Variants in ANGPT2 observed in about 807,000 individuals in gnomAD.
ANGPT2 encodes the protein angiopoietin-2.
Under a neutral mutation model 62.9 loss-of-function variants are expected in ANGPT2, and 28 were observed. The observed-to-expected ratio is 0.44, with a 90% CI of 0.33 to 0.61. The LOEUF is 0.61. ANGPT2 is among the 20% of genes least tolerant of loss of function. The pLI, the probability that ANGPT2 is intolerant of heterozygous loss-of-function variation, is 0.03. For synonymous variants in ANGPT2, 284 were observed against 207.8 expected, an observed-to-expected ratio of 1.37 and a Z score of -3.15; for missense variants, 727 against 594.9, an observed-to-expected ratio of 1.22 and a Z score of -2.31.
chr8:6,552,530 G>C (rs1425305223), intron 1 of ANGPT2, among the ~76,000 whole-genome samples: 1 of 152,168 alleles, frequency 6.6e-6, no homozygotes, highest in African/African-American at 2.4e-5. Context: ...AGGGTGACTG[G>C]AATTATAACC....
At chr8:6,524,754 C>T (rs1012049407) in intron 3 of ANGPT2, among the ~76,000 whole-genome samples, 6 of 152,204 alleles carry the variant, frequency 3.9e-5, no homozygotes, top group African/African-American at 1.4e-4. Context: ...TGAGGAAAAA[C>T]TACCCTTGTG....
At position 6,516,938 on chromosome 8, in the gene ANGPT2, T is replaced by C. The variant is rs1032658605; in HGVS notation, c.928-2160A>G. Reference sequence around the variant, plus strand: ...TAAATGATTTGAGCCATATGAGTATTCGCTTTGATTCCATTAGTGATGATG... The same window carrying C: ...TAAATGATTTGAGCCATATGAGTATCCGCTTTGATTCCATTAGTGATGATG... On this transcript the variant is annotated intron_variant, in intron 5 of 8. Coordinates refer to ENST00000629816, the MANE Select transcript of ANGPT2 (RefSeq NM_001118887.2). Among the ~76,000 whole-genome samples, 6 of 152,210 alleles carry C rather than the reference T, an allele frequency of 3.9e-5. No individual in the cohort carries two copies. In the East Asian group the frequency reaches 1.2e-3, roughly 29 times the overall value.
At chr8:6,541,727 G>A (rs942365641) in intron 1 of ANGPT2, among the ~76,000 whole-genome samples, 1 of 152,116 alleles carries the variant, frequency 6.6e-6, no homozygotes, top group African/African-American at 2.4e-5. Context: ...TGTAGGGCCG[G>A]GCATAGTGGC....
At position 6,562,746 on chromosome 8, in the gene ANGPT2, A is replaced by C; in HGVS notation, c.189T>G (p.Asn63Lys). ...CGAGCGGCGCGTCCCTCTGCACAGCATTGGACACGTAGGGGCTGGAGGAAG... is the reference window on the plus strand; with the variant it reads ...CGAGCGGCGCGTCCCTCTGCACAGCCTTGGACACGTAGGGGCTGGAGGAAG... ...CRSSSSPYVS[N>K]AVQRDAPLEY... The change falls in exon 1 of 9, where the codon AAT becomes AAG. Residue 63 changes from asparagine to lysine, a missense_variant. By Grantham distance (94) the Asn-to-Lys change is moderately conservative. Transcript: ENST00000629816. 6.2e-7 allele frequency: 1 copy of C among 1,613,780 alleles called. No individual in the cohort carries two copies. Among genetic ancestry groups the C allele is most frequent in the Non-Finnish European group, 8.5e-7 (1 of 1,179,966 alleles).
intron 7 of ANGPT2, among the ~76,000 whole-genome samples, chr8:6,510,960 A>C (rs1206748860): frequency 6.6e-6 from 1 of 152,042 alleles, no homozygotes. Flanking sequence ...TGTCATAAAT[A>C]CTCATCTCTG....
chr8:6,542,236 T>A (rs557245549), intron 1 of ANGPT2, among the ~76,000 whole-genome samples: 165 of 152,316 alleles, frequency 1.1e-3, no homozygotes, highest in Middle Eastern at 3.4e-3. Flanking sequence ...TAGAATCTTA[T>A]GTATATCTGT....
intron 3 of ANGPT2, among the ~76,000 whole-genome samples, chr8:6,523,797 C>T (rs1476717159): frequency 1.3e-5 from 2 of 151,994 alleles, no homozygotes. Context: ...TTATGTTGTC[C>T]AGGCTGGTCT....
intron 5 of ANGPT2, 41 bp downstream of exon 5, chr8:6,519,823 C>T (rs757132726): frequency 2.0e-5 from 32 of 1,606,390 alleles, no homozygotes; most frequent in Non-Finnish European, 1.9e-5. Context: ...AAGTGGCCTG[C>T]CTAGAGCCAG....
At chr8:6,531,217 GTC>G (rs1819446063) in intron 2 of ANGPT2, among the ~76,000 whole-genome samples, 1 of 151,638 alleles carries the variant, frequency 6.6e-6, no homozygotes, top group African/African-American at 2.4e-5. Context: ...CATTTAGCAT[GTC>G]TCTCGGTGAA....
intron 8 of ANGPT2, 129 bp from the exon 9 acceptor site, chr8:6,503,390 G>T: frequency 1.1e-6 from 1 of 886,050 alleles, no homozygotes; most frequent in Non-Finnish European, 1.8e-6. Context: ...AGATGATGGT[G>T]AGTATAGGAT....
At chr8:6,516,181 A>T (rs1816231220) in intron 5 of ANGPT2, among the ~76,000 whole-genome samples, 1 of 152,190 alleles carries the variant, frequency 6.6e-6, no homozygotes, top group South Asian at 2.1e-4. Flanking sequence ...CTGATGTAGA[A>T]AATCAGTCTG....
In ANGPT2 at chr8:6,518,173, C is replaced by T. The variant is rs1464858512; in HGVS notation, c.927+1691G>A. ...CAATGTGATGGGGCTGCATGGTTAG[C>T]GGCTGTCCCTCTGCATCGGTGTCCA... On this transcript the variant is annotated intron_variant, in intron 5 of 8. Coordinates refer to ENST00000629816, the MANE Select transcript of ANGPT2 (RefSeq NM_001118887.2). 3.3e-5 allele frequency among the ~76,000 whole-genome samples: 5 copies of T among 152,200 alleles called. No homozygotes were observed. In the East Asian group the frequency reaches 5.8e-4, roughly 18 times the overall value.
intron 5 of ANGPT2, among the ~76,000 whole-genome samples, chr8:6,515,865 A>C (rs538049799): frequency 3.9e-5 from 6 of 152,304 alleles, no homozygotes; most frequent in African/African-American, 1.2e-4. Context: ...TAGAATCCTA[A>C]AGAGGAGAGC....
chr8:6,505,366 T>TAA (rs1307026825), intron 8 of ANGPT2, among the ~76,000 whole-genome samples: 2 of 79,704 alleles, frequency 2.5e-5, no homozygotes, highest in African/African-American at 1.1e-4. Flanking sequence ...TATATGTATA[T>TAA]AGAATATATA....
At chr8:6,556,071 G>C (rs576260385) in intron 1 of ANGPT2, among the ~76,000 whole-genome samples, 1 of 152,234 alleles carries the variant, frequency 6.6e-6, no homozygotes, top group Non-Finnish European at 1.5e-5. Flanking sequence ...TCTCAAGATC[G>C]ATGTCCCAGT....
intron 1 of ANGPT2, among the ~76,000 whole-genome samples, chr8:6,549,153 A>G (rs913513541): frequency 1.5e-4 from 23 of 152,360 alleles, no homozygotes; most frequent in Non-Finnish European, 2.6e-4. Context: ...TACAAGAAAA[A>G]TGATACATGG....
At chr8:6,525,906 A>G (rs903199497) in intron 3 of ANGPT2, among the ~76,000 whole-genome samples, 2 of 152,230 alleles carry the variant, frequency 1.3e-5, no homozygotes, top group Non-Finnish European at 2.9e-5. Flanking sequence ...GGGGAACATA[A>G]TTGACCCAAA....
At chr8:6,525,584 T>C (rs1238002609) in intron 3 of ANGPT2, among the ~76,000 whole-genome samples, 3 of 152,232 alleles carry the variant, frequency 2.0e-5, no homozygotes, top group African/African-American at 7.2e-5. Flanking sequence ...TAAAAGATTA[T>C]TTAAAATGTG....
chr8:6,519,239 C>G (rs958192623), intron 5 of ANGPT2, among the ~76,000 whole-genome samples: 2 of 152,294 alleles, frequency 1.3e-5, no homozygotes, highest in South Asian at 2.1e-4. Flanking sequence ...ACCATGTCAC[C>G]AAGTCCACAG....
Sources: allele counts gnomAD v4.1 joint callset (sites outside exome capture counted in the v4.1 genomes callset), GRCh38; gene constraint gnomAD v4.1.1; transcripts MANE v1.5; gene names NCBI Gene and HGNC (gene_info 2026-07-23, HGNC 2026-07-21).